CDC37L1: variants seen among roughly 807,000 people sequenced by gnomAD.
The protein encoded by CDC37L1 is cell division cycle 37 like 1, HSP90 cochaperone.
Under a neutral mutation model 45.9 loss-of-function variants are expected in CDC37L1, and 32 were observed. The ratio of observed to expected loss-of-function variants is 0.70; its 90% CI spans 0.53 to 0.94. The LOEUF (loss-of-function observed/expected upper bound fraction) is 0.94. CDC37L1 is among the 40% of genes least tolerant of loss of function. The probability of loss-of-function intolerance (pLI) is 0.00; values close to 1 mark genes in which losing one functional copy is unlikely to be tolerated. For synonymous variants in CDC37L1, 150 were observed against 133.0 expected (o/e 1.13, Z -0.88); for missense variants, 434 against 405.7 (o/e 1.07, Z -0.60).
intron 2 of CDC37L1, among the ~76,000 whole-genome samples, chr9:4,687,341 TTTAAAAATC>T (rs1202972705): frequency 1.3e-5 from 2 of 152,176 alleles, no homozygotes; most frequent in African/African-American, 2.4e-5. Flanking sequence ...TGTACTTGAC[TTTAAAAATC>T]AAACTGTTTG....
At position 4,679,937 on chromosome 9, in the gene CDC37L1, G is replaced by C; in HGVS notation, c.132+38G>C. 3 of 1,610,136 alleles carry C rather than the reference G, an allele frequency of 1.9e-6. No homozygotes were observed. The South Asian group carries it at 3.3e-5, about 18-fold the overall frequency. On this transcript the variant is annotated intron_variant, in intron 1 of 6. Transcript: ENST00000381854. Reference sequence around the variant, plus strand: ...CTGCGTTCTGCGGAGGGATGGAGTGGTGCTGTCGCCAAACCCCTGGAATGC... The same window carrying C: ...CTGCGTTCTGCGGAGGGATGGAGTGCTGCTGTCGCCAAACCCCTGGAATGC...
chr9:4,705,015 G>A (rs1215726282), intron 6 of CDC37L1, among the ~76,000 whole-genome samples: 1 of 152,094 alleles, frequency 6.6e-6, no homozygotes, highest in Non-Finnish European at 1.5e-5. Context: ...ACCTGATTGG[G>A]AATAATCCGA....
At chr9:4,702,178 T>C in intron 6 of CDC37L1, 150 bp downstream of exon 6, 1 of 455,464 alleles carries the variant, frequency 2.2e-6, no homozygotes. Context: ...CTTCATGCCA[T>C]GTTTTGGTGC....
intron 5 of CDC37L1, 53 bp from the exon 6 acceptor site, chr9:4,701,811 T>C: frequency 2.2e-6 from 3 of 1,359,718 alleles, no homozygotes; most frequent in Non-Finnish European, 3.0e-6. Flanking sequence ...GAATTTACTA[T>C]GTCTAGAAAT....
intron 3 of CDC37L1, among the ~76,000 whole-genome samples, chr9:4,693,180 G>A (rs1841316835): frequency 1.3e-5 from 2 of 151,802 alleles, no homozygotes; most frequent in South Asian, 4.2e-4. Flanking sequence ...TAGTGGTTCT[G>A]CCTGTAATCC....
rs1297416247 is a variant in CDC37L1 at position 4,697,687 on chromosome 9, A to G, written c.625-70A>G. Reference sequence around the variant, plus strand: ...AAATCAAAAGTATTTTAAAAATTCAAAATTTGAATCAGTATGCCAATTAAA... The same window carrying G: ...AAATCAAAAGTATTTTAAAAATTCAGAATTTGAATCAGTATGCCAATTAAA... On this transcript the variant is annotated intron_variant, in intron 4 of 6. Coordinates refer to ENST00000381854, the MANE Select transcript of CDC37L1 (RefSeq NM_017913.4). 6.6e-6 allele frequency: 5 copies of G among 762,576 alleles called. No homozygotes were observed. The African/African-American group carries it at 7.1e-5, about 11-fold the overall frequency. The allele number at this position is 762,576 out of a possible 1,614,324, so 47.2% of individuals were successfully genotyped here.
intron 3 of CDC37L1, among the ~76,000 whole-genome samples, chr9:4,691,697 G>C (rs190865167): frequency 6.6e-6 from 1 of 152,102 alleles, no homozygotes; most frequent in Non-Finnish European, 1.5e-5. Context: ...TTTGTTGACT[G>C]CCTTTCTTGT....
chr9:4,693,420 A>T (rs1020223148), intron 3 of CDC37L1, among the ~76,000 whole-genome samples: 3 of 152,086 alleles, frequency 2.0e-5, no homozygotes, highest in African/African-American at 7.2e-5. Context: ...TCTAGCCTAG[A>T]CAACAGAGGA....
chr9:4,697,383 TTTG>T (rs752257909), intron 4 of CDC37L1, among the ~76,000 whole-genome samples, 172 bp downstream of exon 4: 55 of 152,150 alleles, frequency 3.6e-4, no homozygotes, highest in Non-Finnish European at 3.8e-4. Context: ...AATGTGGGAT[TTTG>T]TTGTTGTTGT....
intron 5 of CDC37L1, among the ~76,000 whole-genome samples, chr9:4,700,863 T>G (rs1841389896): frequency 6.6e-6 from 1 of 152,212 alleles, no homozygotes; most frequent in African/African-American, 2.4e-5. Context: ...ACTCTATATC[T>G]AAATCCCTAA....
Position 4,706,338 on chromosome 9 carries a change from C to T in CDC37L1, c.*226C>T, listed in dbSNP as rs1587626160. 3 of 302,448 alleles carry T rather than the reference C, an allele frequency of 9.9e-6. No individual in the cohort carries two copies. Among genetic ancestry groups the T allele is most frequent in the Non-Finnish European group, 1.2e-5 (2 of 162,676 alleles). The allele number at this position is 302,448 out of a possible 1,614,324, so 18.7% of individuals were successfully genotyped here. On this transcript the variant is annotated 3_prime_UTR_variant, in exon 7 of 7. Coordinates refer to ENST00000381854, the MANE Select transcript of CDC37L1 (RefSeq NM_017913.4). Reference sequence around the variant, plus strand: ...GTACCATATGTTGCAGGAAGTCAAACTGGACTTTTTGTGGCTACTAAATTT... The same window carrying T: ...GTACCATATGTTGCAGGAAGTCAAATTGGACTTTTTGTGGCTACTAAATTT...
Position 4,683,640 on chromosome 9 carries a change from A to G in CDC37L1, c.133-1237A>G, listed in dbSNP as rs1040510133. On this transcript the variant is annotated intron_variant, in intron 1 of 6. Transcript: ENST00000381854. ...TATGTACTTTATCCCAAAGCTAAGA[A>G]TGAAAAAAAAGATCAGATTCATTTT... Among the ~76,000 whole-genome samples, 4 of 152,300 alleles carry G rather than the reference A, an allele frequency of 2.6e-5. No homozygotes were observed. The East Asian group carries it at 7.7e-4, about 29-fold the overall frequency.
chr9:4,700,678 C>G, intron 5 of CDC37L1, among the ~76,000 whole-genome samples: 1 of 152,114 alleles, frequency 6.6e-6, no homozygotes, highest in East Asian at 1.9e-4. Flanking sequence ...TAATCACTTT[C>G]ATGGTATGCT....
Position 4,700,661 on chromosome 9 carries a change from T to G in CDC37L1, c.748-1203T>G, listed in dbSNP as rs188877637. ...TGCTTAATAATACTTTTTTTTAAAT[T>G]ATGAAATAATCACTTTCATGGTATG... is the stretch of plus-strand genomic sequence containing the variant. On this transcript the variant is annotated intron_variant, in intron 5 of 6. Coordinates refer to ENST00000381854, the MANE Select transcript of CDC37L1 (RefSeq NM_017913.4). Among the ~76,000 whole-genome samples the G allele has an allele frequency of 2.9e-4, 44 of 152,330 alleles. No individual in the cohort carries two copies. The East Asian group carries it at 6.5e-3, about 23-fold the overall frequency.
At position 4,679,672 on chromosome 9, in the gene CDC37L1, C is replaced by G. The variant is rs1407976848; in HGVS notation, c.-96C>G. On this transcript the variant is annotated 5_prime_UTR_variant, in exon 1 of 7. Coordinates refer to ENST00000381854, the MANE Select transcript of CDC37L1 (RefSeq NM_017913.4). ...GTAACGGCCCGGACCCCCGGCTGGG[C>G]TTCTGGCTCGGCGCAGCAGGTTCCA... The G allele has an allele frequency of 8.4e-7, 1 of 1,194,962 alleles. No individual in the cohort carries two copies. The highest frequency in any genetic ancestry group is 2.7e-5 in the East Asian group (1 of 36,818). The allele number at this position is 1,194,962 out of a possible 1,614,324, so 74.0% of individuals were successfully genotyped here.
intron 1 of CDC37L1, among the ~76,000 whole-genome samples, chr9:4,683,021 T>A (rs921758645): frequency 7.0e-6 from 1 of 142,894 alleles, no homozygotes; most frequent in Admixed American, 7.2e-5. Flanking sequence ...ATATTAAATA[T>A]ATATTATATT....
rs574422737 is a variant in CDC37L1 at position 4,707,672 on chromosome 9, G to C, written c.*1560G>C. On this transcript the variant is annotated 3_prime_UTR_variant, in exon 7 of 7. Transcript: ENST00000381854. ...AAATGTTTGACTAATTTATATAGTAGTGTTTGTCAGCCTGTACTTTTTTTT... is the reference window on the plus strand; with the variant it reads ...AAATGTTTGACTAATTTATATAGTACTGTTTGTCAGCCTGTACTTTTTTTT... The C allele has an allele frequency of 5.1e-4, 78 of 151,560 alleles. No homozygotes were observed. The highest frequency in any genetic ancestry group is 2.8e-3 in the Admixed American group (43 of 15,248). 9.4% of individuals were successfully genotyped at this position (151,560 alleles called of 1,614,324 possible). A position where few individuals can be genotyped will look rare whatever the true frequency, so the allele number is the denominator to read the frequency against.
At chr9:4,695,634 A>T (rs10974737) in intron 3 of CDC37L1, among the ~76,000 whole-genome samples, 70,289 of 151,842 alleles carry the variant, frequency 0.46, 18,295 homozygotes, top group African/African-American at 0.7. Flanking sequence ...AGCTGGGACT[A>T]CAGGTGCACA....
In CDC37L1 at chr9:4,705,996, T is replaced by C; in HGVS notation, c.913-15T>C. ...TTCTTTTTCTCCCCCCAATCTACCT[T>C]TTCTTTTTCCCCAGAATCCAGATTA... is the stretch of plus-strand genomic sequence containing the variant. On this transcript the variant is annotated splice_polypyrimidine_tract_variant and intron_variant, in intron 6 of 6. Coordinates refer to ENST00000381854, the MANE Select transcript of CDC37L1 (RefSeq NM_017913.4). 1 of 1,350,014 alleles carries C rather than the reference T, an allele frequency of 7.4e-7. No individual in the cohort carries two copies. Among genetic ancestry groups the C allele is most frequent in the Non-Finnish European group, 1.1e-6 (1 of 941,732 alleles). 83.6% of individuals were successfully genotyped at this position (1,350,014 alleles called of 1,614,324 possible).
Sources: gnomAD v4.1 joint callset for allele counts (sites outside exome capture counted in the v4.1 genomes callset) on GRCh38, gnomAD v4.1.1 for gene constraint, MANE v1.5 for transcripts, NCBI Gene and HGNC (gene_info 2026-07-23, HGNC 2026-07-21) for gene names.